MPPED2: variants seen among roughly 807,000 people sequenced by gnomAD.
MPPED2 encodes the protein metallophosphoesterase MPPED2.
Under a neutral mutation model 33.0 loss-of-function variants are expected in MPPED2, and 5 were observed. That is an observed-to-expected ratio of 0.15 (90% CI 0.08 to 0.32). The LOEUF (loss-of-function observed/expected upper bound fraction) is 0.32. Ranked by LOEUF, MPPED2 falls within the 10% of genes least tolerant of loss-of-function variation. The pLI, the probability that MPPED2 is intolerant of heterozygous loss-of-function variation, is 1.00. For synonymous variants in MPPED2, 136 were observed against 141.9 expected, an observed-to-expected ratio of 0.96 and a Z score of 0.29; for missense variants, 275 against 372.1, an observed-to-expected ratio of 0.74 and a Z score of 2.15.
rs531090774 is a variant in MPPED2, at chr11:30,503,553, C to T, written c.311-8032G>A. Among the ~76,000 whole-genome samples, 12 of 152,212 alleles carry T rather than the reference C, an allele frequency of 7.9e-5. No homozygotes were observed. In the South Asian group the frequency reaches 1.0e-3, roughly 13 times the overall value. ...TCTGGTCAGCAAGGCTAATTGATTA[C>T]TATCTCCTATTTACTCCTGCTAAAA... On this transcript the variant is annotated intron_variant, in intron 3 of 6. Coordinates refer to ENST00000358117, the MANE Select transcript of MPPED2 (RefSeq NM_001584.3).
intron 3 of MPPED2, among the ~76,000 whole-genome samples, chr11:30,513,660 A>G (rs1381287147): frequency 1.3e-5 from 2 of 152,194 alleles, no homozygotes; most frequent in African/African-American, 4.8e-5. Context: ...ACATAACAGG[A>G]ACCTGTAATC....
At chr11:30,527,011 G>A (rs898452784) in intron 3 of MPPED2, among the ~76,000 whole-genome samples, 1 of 151,700 alleles carries the variant, frequency 6.6e-6, no homozygotes. Flanking sequence ...TGCAAGCTCC[G>A]CCTCCCAGGT....
intron 2 of MPPED2, 57 bp from the exon 3 acceptor site, chr11:30,536,232 G>C: frequency 7.2e-7 from 1 of 1,382,896 alleles, no homozygotes; most frequent in Non-Finnish European, 9.6e-7. Context: ...CCTTGAAATT[G>C]TCGTCGCACA....
intron 2 of MPPED2, among the ~76,000 whole-genome samples, chr11:30,567,217 A>C (rs1355705160): frequency 1.3e-5 from 2 of 152,158 alleles, no homozygotes; most frequent in Non-Finnish European, 2.9e-5. Flanking sequence ...TCTGGCTGGC[A>C]CCAATGCACA....
At chr11:30,515,480 T>C (rs950943300) in intron 3 of MPPED2, among the ~76,000 whole-genome samples, 1 of 152,102 alleles carries the variant, frequency 6.6e-6, no homozygotes, top group Non-Finnish European at 1.5e-5. Flanking sequence ...GCTTAGGAGA[T>C]AGAAACTAGG....
chr11:30,449,786 T>A (rs569712312), intron 4 of MPPED2, among the ~76,000 whole-genome samples: 1 of 152,210 alleles, frequency 6.6e-6, no homozygotes, highest in Non-Finnish European at 1.5e-5. Context: ...TACCCTATCA[T>A]GAGAAGTGAG....
chr11:30,406,031 A>G (rs1261625170), downstream of MPPED2, among the ~76,000 whole-genome samples: 1 of 152,112 alleles, frequency 6.6e-6, no homozygotes, highest in Non-Finnish European at 1.5e-5. Flanking sequence ...AACGCATGAC[A>G]AACAGCCATC....
chr11:30,501,766 T>C (rs1952574994), intron 3 of MPPED2: 2 of 182,710 alleles, frequency 1.1e-5, no homozygotes, highest in African/African-American at 2.4e-5. Flanking sequence ...ACATGTCTGA[T>C]GAACTCTATA....
At chr11:30,419,283 T>C (rs1175077304) in intron 4 of MPPED2, among the ~76,000 whole-genome samples, 2 of 152,134 alleles carry the variant, frequency 1.3e-5, no homozygotes, top group Non-Finnish European at 1.5e-5. Flanking sequence ...AATTAATAAC[T>C]TGGATATAAA....
At chr11:30,526,965 C>T (rs1255937278) in intron 3 of MPPED2, among the ~76,000 whole-genome samples, 4 of 148,996 alleles carry the variant, frequency 2.7e-5, no homozygotes, top group African/African-American at 5.1e-5. Context: ...AGTGCAGTGG[C>T]CCAGGCTAGA....
intron 2 of MPPED2, among the ~76,000 whole-genome samples, chr11:30,542,386 G>C (rs1955169532): frequency 6.7e-6 from 1 of 150,172 alleles, no homozygotes; most frequent in South Asian, 2.1e-4. Context: ...GGCTAAGGTG[G>C]GTGGATTGCT....
intron 2 of MPPED2, among the ~76,000 whole-genome samples, chr11:30,542,850 A>G (rs528895981): frequency 8.5e-5 from 13 of 152,254 alleles, no homozygotes; most frequent in African/African-American, 2.6e-4. Flanking sequence ...CTTTCCACCC[A>G]CTTAATTTTG....
At chr11:30,561,045 G>T (rs954351433) in intron 2 of MPPED2, among the ~76,000 whole-genome samples, 1 of 152,176 alleles carries the variant, frequency 6.6e-6, no homozygotes, top group African/African-American at 2.4e-5. Flanking sequence ...ATGCAAACAT[G>T]TCCAATGTTT....
At chr11:30,572,252 T>C (rs1028183821) in intron 2 of MPPED2, among the ~76,000 whole-genome samples, 5 of 152,170 alleles carry the variant, frequency 3.3e-5, no homozygotes, top group African/African-American at 1.2e-4. Flanking sequence ...GCTAGGGTTC[T>C]AGGAACAAAT....
chr11:30,545,705 A>G (rs1955380956), intron 2 of MPPED2, among the ~76,000 whole-genome samples: 1 of 152,118 alleles, frequency 6.6e-6, no homozygotes, highest in Non-Finnish European at 1.5e-5. Context: ...CAATAGGGCA[A>G]AGGTACAGGG....
At chr11:30,426,809 A>G (rs1948858535) in intron 4 of MPPED2, among the ~76,000 whole-genome samples, 1 of 152,222 alleles carries the variant, frequency 6.6e-6, no homozygotes, top group Non-Finnish European at 1.5e-5. Context: ...ACAGGCCCTG[A>G]GGCCAGGAGG....
chr11:30,449,183 AGAAT>A (rs61562180), intron 4 of MPPED2, among the ~76,000 whole-genome samples: 4 of 151,198 alleles, frequency 2.6e-5, no homozygotes, highest in African/African-American at 7.3e-5. Context: ...AAATGTTAAG[AGAAT>A]GAATGAATGA....
chr11:30,467,660 G>A (rs550651015), intron 4 of MPPED2, among the ~76,000 whole-genome samples: 1 of 152,252 alleles, frequency 6.6e-6, no homozygotes, highest in South Asian at 2.1e-4. Flanking sequence ...CACTCCAAGA[G>A]ACAAGACTCA....
chr11:30,469,166 C>T (rs1402463496), intron 4 of MPPED2, among the ~76,000 whole-genome samples: 2 of 152,108 alleles, frequency 1.3e-5, no homozygotes, highest in Admixed American at 6.5e-5. Flanking sequence ...CAATAGCAGG[C>T]CCTACATTTA....
Sources: gnomAD v4.1 joint callset for allele counts (sites outside exome capture counted in the v4.1 genomes callset) on GRCh38, gnomAD v4.1.1 for gene constraint, MANE v1.5 for transcripts, NCBI Gene and HGNC (gene_info 2026-07-23, HGNC 2026-07-21) for gene names.